SETD3: variants seen among roughly 807,000 people sequenced by gnomAD.
SETD3 encodes actin-histidine N-methyltransferase.
SETD3 carries 19 observed loss-of-function variants against 63.0 expected under a neutral mutation model. The ratio of observed to expected loss-of-function variants is 0.30; its 90% CI spans 0.21 to 0.44. The LOEUF is 0.44. Among genes scored for constraint, SETD3 ranks in the 20% least tolerant of loss-of-function variants. The pLI, the probability that SETD3 is intolerant of heterozygous loss-of-function variation, is 1.00. For missense variants in SETD3, 587 were observed against 728.5 expected (o/e 0.81, Z 2.24); for synonymous variants, 286 against 264.1 (o/e 1.08, Z -0.80).
intron 8 of SETD3, among the ~76,000 whole-genome samples, chr14:99,408,878 G>A (rs1334402576): frequency 6.6e-6 from 1 of 152,140 alleles, no homozygotes; most frequent in African/African-American, 2.4e-5. Context: ...CAGGTTTCTA[G>A]AGGACTCTCT....
chr14:99,409,950 C>A (rs527718543), intron 8 of SETD3: 3 of 377,678 alleles, frequency 7.9e-6, no homozygotes, highest in Non-Finnish European at 9.6e-6. Context: ...AATCACCCTG[C>A]GTTCATGGAT....
At chr14:99,410,154 T>G in intron 8 of SETD3, 1 of 1,590,206 alleles carries the variant, frequency 6.3e-7, no homozygotes, top group Non-Finnish European at 8.6e-7. Flanking sequence ...GTCCCGTAAG[T>G]GCCTAAGGAA....
At chr14:99,427,606 C>T (rs188701494) in intron 6 of SETD3, among the ~76,000 whole-genome samples, 7 of 152,298 alleles carry the variant, frequency 4.6e-5, no homozygotes, top group Non-Finnish European at 1.0e-4. Context: ...TGTACTAATG[C>T]ACATTTCTGC....
At chr14:99,461,366 C>T in intron 3 of SETD3, 26 bp from the exon 4 acceptor site, 2 of 1,603,458 alleles carry the variant, frequency 1.2e-6, no homozygotes, top group East Asian at 2.2e-5. Context: ...TTTTAGAAAA[C>T]AAGAGCTACT....
chr14:99,406,670 A>G, intron 8 of SETD3, 80 bp from the exon 9 acceptor site: 1 of 1,415,686 alleles, frequency 7.1e-7, no homozygotes, highest in Non-Finnish European at 9.9e-7. Flanking sequence ...TGTTTCTGGC[A>G]ATCAGAGGAA....
chr14:99,480,549 A>C (rs955187314), intron 1 of SETD3, among the ~76,000 whole-genome samples, 179 bp downstream of exon 1: 4 of 150,424 alleles, frequency 2.7e-5, no homozygotes, highest in African/African-American at 9.7e-5. Flanking sequence ...CCCCGAGCGC[A>C]CACCTGCCCC....
chr14:99,422,628 G>A (rs1178707815), intron 6 of SETD3, among the ~76,000 whole-genome samples: 1 of 151,388 alleles, frequency 6.6e-6, no homozygotes, highest in African/African-American at 2.5e-5. Flanking sequence ...TGATTTAGGA[G>A]GACTGCCACA....
intron 6 of SETD3, among the ~76,000 whole-genome samples, chr14:99,420,547 G>C (rs1486821973): frequency 6.6e-6 from 1 of 152,062 alleles, no homozygotes; most frequent in Admixed American, 6.5e-5. Flanking sequence ...TCTTCAGAAA[G>C]CTCCAGCCCA....
upstream of SETD3, among the ~76,000 whole-genome samples, chr14:99,483,710 A>C (rs1566745014): frequency 6.6e-6 from 1 of 152,252 alleles, no homozygotes; most frequent in African/African-American, 2.4e-5. Context: ...TTAAATGTGC[A>C]TTGGATAAGG....
intron 1 of SETD3, among the ~76,000 whole-genome samples, chr14:99,480,330 G>C (rs749430171): frequency 6.6e-6 from 1 of 152,038 alleles, no homozygotes. Flanking sequence ...CCACCCGAGA[G>C]CAGGCGCGAG....
chr14:99,451,767 A>G (rs1255543732), intron 6 of SETD3, among the ~76,000 whole-genome samples: 1 of 151,988 alleles, frequency 6.6e-6, no homozygotes, highest in Non-Finnish European at 1.5e-5. Context: ...TCAGACTCCC[A>G]AAGTGCTGGG....
intron 6 of SETD3, among the ~76,000 whole-genome samples, chr14:99,441,254 G>A (rs576508988): frequency 2.0e-5 from 3 of 152,208 alleles, no homozygotes; most frequent in South Asian, 2.1e-4. Context: ...TACCACTTAC[G>A]ACTGAACCAC....
At chr14:99,417,874 T>C (rs1429345694) in intron 6 of SETD3, among the ~76,000 whole-genome samples, 2 of 152,172 alleles carry the variant, frequency 1.3e-5, no homozygotes, top group Admixed American at 1.3e-4. Context: ...AAGGCCATAT[T>C]TAACCTAAAG....
Position 99,397,831 on chromosome 14 carries a change from G to C in SETD3, c.*848C>G, listed in dbSNP as rs1219536955. 3 of 152,504 alleles carry C rather than the reference G, an allele frequency of 2.0e-5. No homozygotes were observed. Among genetic ancestry groups the C allele is most frequent in the Non-Finnish European group, 4.4e-5 (3 of 68,040 alleles). The allele number at this position is 152,504 out of a possible 1,614,324, so 9.4% of individuals were successfully genotyped here. A position where few individuals can be genotyped will look rare whatever the true frequency, so the allele number is the denominator to read the frequency against. On this transcript the variant is annotated 3_prime_UTR_variant, in exon 13 of 13. Transcript: ENST00000331768. ...CTAGCTTGTTGTGAAAACCAGGAAAGCCAAGGAGCTGCCTCACACTGCACA... is the reference window on the plus strand; with the variant it reads ...CTAGCTTGTTGTGAAAACCAGGAAACCCAAGGAGCTGCCTCACACTGCACA...
chr14:99,428,559 T>C (rs777069824), intron 6 of SETD3, among the ~76,000 whole-genome samples: 2 of 151,996 alleles, frequency 1.3e-5, no homozygotes, highest in South Asian at 4.2e-4. Context: ...GGTGGGAGGA[T>C]TGTTTGAGCC....
intron 9 of SETD3, 127 bp from the exon 10 acceptor site, chr14:99,405,498 A>T: frequency 9.7e-7 from 1 of 1,036,114 alleles, no homozygotes. Flanking sequence ...GTATTGATAC[A>T]CCTGTTTGGT....
At chr14:99,411,426 C>A (rs959454778) in intron 8 of SETD3, 1 of 152,186 alleles carries the variant, frequency 6.6e-6, no homozygotes, top group Non-Finnish European at 1.5e-5. Context: ...ATGGAAGCTT[C>A]GCTAGGGACC....
chr14:99,443,496 C>A (rs1442299559), intron 6 of SETD3, among the ~76,000 whole-genome samples: 2 of 152,130 alleles, frequency 1.3e-5, no homozygotes, highest in African/African-American at 4.8e-5. Context: ...AAGTGATCCG[C>A]CCACCTTGGC....
intron 6 of SETD3, among the ~76,000 whole-genome samples, chr14:99,455,925 C>G (rs1022868037): frequency 6.6e-6 from 1 of 152,196 alleles, no homozygotes; most frequent in African/African-American, 2.4e-5. Context: ...GAGGACAAGG[C>G]GGGCGGATCA....
Sources: gnomAD v4.1 joint callset for allele counts (sites outside exome capture counted in the v4.1 genomes callset) on GRCh38, gnomAD v4.1.1 for gene constraint, MANE v1.5 for transcripts, NCBI Gene and HGNC (gene_info 2026-07-23, HGNC 2026-07-21) for gene names.